GSE1: variants seen among roughly 807,000 people sequenced by gnomAD.
GSE1 encodes the protein genetic suppressor element 1.
Under a neutral mutation model 112.6 loss-of-function variants are expected in GSE1, and 32 were observed. The observed-to-expected ratio is 0.28, with a 90% CI of 0.21 to 0.38. The LOEUF (loss-of-function observed/expected upper bound fraction) is 0.38, where lower values mean the gene tolerates loss of function less well. Among genes scored for constraint, GSE1 ranks in the 10% least tolerant of loss-of-function variants. The probability of loss-of-function intolerance (pLI) is 1.00; values close to 1 mark genes in which losing one functional copy is unlikely to be tolerated. For missense variants in GSE1, 2,348 were observed against 1,699.2 expected (o/e 1.38, Z -6.71); for synonymous variants, 1,115 against 735.6 (o/e 1.52, Z -8.35).
chr16:85,601,408 C>A (rs969558749), intron 1 of GSE1, among the ~76,000 whole-genome samples: 3 of 152,016 alleles, frequency 2.0e-5, no homozygotes, highest in African/African-American at 7.3e-5. Context: ...AGGGGCCAGG[C>A]TGGTGGGGAG....
At chr16:85,397,845 C>T (rs974465482) in intron 2 of GSE1, among the ~76,000 whole-genome samples, 2 of 152,168 alleles carry the variant, frequency 1.3e-5, no homozygotes, top group African/African-American at 2.4e-5. Flanking sequence ...TGGGATCCTC[C>T]TCCTCCAGCC....
intron 2 of GSE1, among the ~76,000 whole-genome samples, chr16:85,394,068 G>A (rs1358422460): frequency 3.9e-5 from 6 of 152,164 alleles, no homozygotes; most frequent in Admixed American, 6.5e-5. Flanking sequence ...GATACCGTTC[G>A]GGCTCACTGC....
chr16:85,365,214 C>T (rs1449121736), intron 2 of GSE1, among the ~76,000 whole-genome samples: 1 of 152,220 alleles, frequency 6.6e-6, no homozygotes, highest in Non-Finnish European at 1.5e-5. Flanking sequence ...CACACCCGCC[C>T]CCAGTATCCC....
chr16:85,191,289 C>A (rs887326365), intron 1 of GSE1, among the ~76,000 whole-genome samples: 1 of 152,160 alleles, frequency 6.6e-6, no homozygotes, highest in Non-Finnish European at 1.5e-5. Context: ...ACAACAACAA[C>A]AAATGTATAT....
intron 1 of GSE1, among the ~76,000 whole-genome samples, chr16:85,349,278 A>G (rs2046806085): frequency 2.6e-5 from 4 of 152,020 alleles, no homozygotes; most frequent in African/African-American, 9.7e-5. Flanking sequence ...GCTTGCCATT[A>G]TGGAGCTATT....
chr16:85,328,759 G>A (rs2046277585), intron 1 of GSE1, among the ~76,000 whole-genome samples: 1 of 152,204 alleles, frequency 6.6e-6, no homozygotes, highest in African/African-American at 2.4e-5. Flanking sequence ...CACAGGTTCC[G>A]CCTCTGCAGT....
At chr16:85,476,328 G>C (rs1223147402) in intron 2 of GSE1, among the ~76,000 whole-genome samples, 1 of 152,198 alleles carries the variant, frequency 6.6e-6, no homozygotes, top group Non-Finnish European at 1.5e-5. Context: ...GTGGCAACTT[G>C]CAGGCACCTG....
At chr16:85,533,004 C>T (rs1029554683) in intron 2 of GSE1, among the ~76,000 whole-genome samples, 7 of 152,216 alleles carry the variant, frequency 4.6e-5, no homozygotes, top group African/African-American at 1.4e-4. Flanking sequence ...CCTGTTCTGC[C>T]GGAGGTGTCG....
At chr16:85,527,984 A>G (rs1598075048) in intron 2 of GSE1, among the ~76,000 whole-genome samples, 1 of 152,060 alleles carries the variant, frequency 6.6e-6, no homozygotes, top group Admixed American at 6.5e-5. Flanking sequence ...CTGTTCTCAC[A>G]CTCCAGCAGT....
At chr16:85,404,264 G>C (rs1243536229) in intron 2 of GSE1, among the ~76,000 whole-genome samples, 1 of 68,652 alleles carries the variant, frequency 1.5e-5, no homozygotes, top group Non-Finnish European at 2.7e-5. Context: ...TACACTCAGG[G>C]CTCCCCCAGA....
At chr16:85,346,030 T>C (rs1223470978) in intron 1 of GSE1, among the ~76,000 whole-genome samples, 1 of 149,830 alleles carries the variant, frequency 6.7e-6, no homozygotes, top group Non-Finnish European at 1.5e-5. Flanking sequence ...AGTGGACAGA[T>C]GGACAAGTGG....
At chr16:85,457,807 T>C (rs753270742) in intron 2 of GSE1, among the ~76,000 whole-genome samples, 2 of 152,196 alleles carry the variant, frequency 1.3e-5, no homozygotes, top group Non-Finnish European at 2.9e-5. Context: ...CAAGGCTTGG[T>C]GGTAACCCTG....
chr16:85,376,515 C>T (rs2047423988), intron 2 of GSE1, among the ~76,000 whole-genome samples: 1 of 152,192 alleles, frequency 6.6e-6, no homozygotes, highest in African/African-American at 2.4e-5. Flanking sequence ...GTGGTGTGGG[C>T]AGAGTGGGCT....
At chr16:85,332,061 C>T (rs1385953393) in intron 1 of GSE1, among the ~76,000 whole-genome samples, 2 of 151,348 alleles carry the variant, frequency 1.3e-5, no homozygotes, top group Non-Finnish European at 3.0e-5. Context: ...CATCTGGGGG[C>T]TCCTGTCCTA....
chr16:85,393,380 C>A (rs1466924027), intron 2 of GSE1, among the ~76,000 whole-genome samples: 2 of 152,162 alleles, frequency 1.3e-5, no homozygotes, highest in East Asian at 3.9e-4. Flanking sequence ...GGCTCCCAGC[C>A]CAAATGACCT....
upstream of GSE1, chr16:85,555,398 G>C (rs558165598): frequency 1.2e-5 from 12 of 984,154 alleles, no homozygotes; most frequent in African/African-American, 1.8e-5. Flanking sequence ...CAAAAAAGGG[G>C]GGGGAGGGGT....
In GSE1 at chr16:85,489,364, G is replaced by A. The variant is rs528388876; in HGVS notation, c.2464+131721G>A. Among the ~76,000 whole-genome samples the A allele has an allele frequency of 4.0e-3, 608 of 152,100 alleles. 8 individuals carry two copies. Among genetic ancestry groups the A allele is most frequent in the African/African-American group, 0.014 (584 of 41,498 alleles). On this transcript the variant is annotated intron_variant, in intron 2 of 2. Transcript: ENST00000637419. ...GCTAGTGGCCCCTGCCTGTCAGTGG[G>A]CACTGGGGGCTGGGGGGCTGCCTAG...
rs1447312186 is a variant in GSE1, at chr16:85,668,441, G to A, written c.3415+17G>A. ...ACATAGAAGGTAAGGGGGTGCTGGG[G>A]AAGAGGGGGGAGGGGGTCAGGAAAG... On this transcript the variant is annotated intron_variant, in intron 14 of 15. Transcript: ENST00000253458. 1 of 1,419,252 alleles carries A rather than the reference G, an allele frequency of 7.0e-7. No individual in the cohort carries two copies. Among genetic ancestry groups the A allele is most frequent in the Non-Finnish European group, 9.8e-7 (1 of 1,023,850 alleles). The allele number at this position is 1,419,252 out of a possible 1,614,324, so 87.9% of individuals were successfully genotyped here. A position where few individuals can be genotyped will look rare whatever the true frequency, so the allele number is the denominator to read the frequency against.
intron 2 of GSE1, among the ~76,000 whole-genome samples, chr16:85,485,519 G>A (rs374245968): frequency 9.2e-5 from 14 of 152,370 alleles, no homozygotes; most frequent in African/African-American, 2.2e-4. Context: ...GCCGCCTGCC[G>A]TTCTGGGAGG....
Sources: gnomAD v4.1 joint callset for allele counts (sites outside exome capture counted in the v4.1 genomes callset) on GRCh38, gnomAD v4.1.1 for gene constraint, MANE v1.5 for transcripts, NCBI Gene and HGNC (gene_info 2026-07-23, HGNC 2026-07-21) for gene names.